The following GFOD1 variants were observed in gnomAD, a reference collection of about 807,000 sequenced individuals.
GFOD1 encodes glucose-fructose oxidoreductase domain-containing protein 1.
GFOD1 carries 9 observed loss-of-function variants against 25.4 expected under a neutral mutation model. The observed-to-expected ratio is 0.35, with a 90% CI of 0.21 to 0.62. GFOD1 has a LOEUF of 0.62. Among genes scored for constraint, GFOD1 ranks in the 20% least tolerant of loss-of-function variants. The pLI, the probability that GFOD1 is intolerant of heterozygous loss-of-function variation, is 0.72. For synonymous variants in GFOD1, 253 were observed against 245.6 expected, an observed-to-expected ratio of 1.03 and a Z score of -0.28; for missense variants, 403 against 556.9, an observed-to-expected ratio of 0.72 and a Z score of 2.78.
chr6:13,358,809 C>T lies in GFOD1; in HGVS notation c.*5934G>A, dbSNP rs886064771. 1 of 152,296 alleles carries T rather than the reference C, an allele frequency of 6.6e-6. No homozygotes were observed. The highest frequency in any genetic ancestry group is 1.5e-5 in the Non-Finnish European group (1 of 68,120). 9.4% of individuals were successfully genotyped at this position (152,296 alleles called of 1,614,324 possible). On this transcript the variant is annotated 3_prime_UTR_variant, in exon 2 of 2. Transcript: ENST00000379287. ...TCTGCCCAGGCAAGCTTTTGATTGC[C>T]ACACTAAGCATCAAGCCATTGCATA...
At chr6:13,426,901 G>A (rs1786362544) in intron 1 of GFOD1, among the ~76,000 whole-genome samples, 1 of 152,188 alleles carries the variant, frequency 6.6e-6, no homozygotes, top group Non-Finnish European at 1.5e-5. Context: ...TGGGGTTTGA[G>A]TCTCATCTCT....
chr6:13,446,356 T>C (rs1758002297), intron 1 of GFOD1, among the ~76,000 whole-genome samples: 1 of 152,120 alleles, frequency 6.6e-6, no homozygotes, highest in African/African-American at 2.4e-5. Context: ...GGGGAAAGCA[T>C]CAAGACAGAG....
At chr6:13,399,880 T>C (rs1785808883) in intron 1 of GFOD1, among the ~76,000 whole-genome samples, 1 of 152,244 alleles carries the variant, frequency 6.6e-6, no homozygotes, top group Non-Finnish European at 1.5e-5. Context: ...AATAGGTACA[T>C]TTTATTGCAT....
Position 13,401,322 on chromosome 6 carries a change from T to G in GFOD1, c.254-35660A>C, listed in dbSNP as rs188989292. Among the ~76,000 whole-genome samples the G allele has an allele frequency of 1.7e-3, 256 of 152,010 alleles. 1 individual carries two copies. The highest frequency in any genetic ancestry group is 5.2e-3 in the Admixed American group (80 of 15,276). On this transcript the variant is annotated intron_variant, in intron 1 of 1. Coordinates refer to ENST00000379287, the MANE Select transcript of GFOD1 (RefSeq NM_018988.4). ...CCATGAGACGACATTTTATAGATAA[T>G]CCAGGATATCTGAATCTGAGCCGTG...
At chr6:13,408,811 G>A (rs503117) in intron 1 of GFOD1, among the ~76,000 whole-genome samples, 87,093 of 151,922 alleles carry the variant, frequency 0.57, 28,794 homozygotes, top group Non-Finnish European at 0.73. Flanking sequence ...ACAGGCCAGT[G>A]TGGTGGCTCA....
rs191934902 is a variant in GFOD1 at position 13,361,186 on chromosome 6, G to A, written c.*3557C>T. Reference sequence around the variant, plus strand: ...ATTTGCTGCCATGTAGGCTAAGGGGGGTCTGGGGTGCCCTACAATGCAATT... The same window carrying A: ...ATTTGCTGCCATGTAGGCTAAGGGGAGTCTGGGGTGCCCTACAATGCAATT... On this transcript the variant is annotated 3_prime_UTR_variant, in exon 2 of 2. Coordinates refer to ENST00000379287, the MANE Select transcript of GFOD1 (RefSeq NM_018988.4). 479 of 277,542 alleles carry A rather than the reference G, an allele frequency of 1.7e-3. 3 individuals are homozygous for A. Among genetic ancestry groups the A allele is most frequent in the African/African-American group, 9.4e-3 (423 of 44,774 alleles). The allele number at this position is 277,542 out of a possible 1,614,324, so 17.2% of individuals were successfully genotyped here.
At chr6:13,366,302 TC>T (rs1785046658) in intron 1 of GFOD1, among the ~76,000 whole-genome samples, 2 of 152,156 alleles carry the variant, frequency 1.3e-5, no homozygotes, top group African/African-American at 4.8e-5. Flanking sequence ...TGCCTCAGCC[TC>T]CTGAGTAGCT....
At chr6:13,478,277 T>C (rs1020402367) in intron 1 of GFOD1, among the ~76,000 whole-genome samples, 2 of 151,954 alleles carry the variant, frequency 1.3e-5, no homozygotes, top group African/African-American at 2.4e-5. Context: ...GTAGCTGGGA[T>C]TACAGGTGCA....
intron 1 of GFOD1, among the ~76,000 whole-genome samples, chr6:13,396,115 GCT>G (rs1468945085): frequency 6.6e-6 from 1 of 152,194 alleles, no homozygotes; most frequent in African/African-American, 2.4e-5. Flanking sequence ...TGTGAACTAA[GCT>G]GAGGAACAGT....
chr6:13,370,638 G>A (rs147354697), intron 1 of GFOD1, among the ~76,000 whole-genome samples: 3 of 152,000 alleles, frequency 2.0e-5, no homozygotes, highest in Admixed American at 1.3e-4. Flanking sequence ...GCTATCAAAA[G>A]GTTCTTGCTA....
At chr6:13,452,561 G>A (rs894058296) in intron 1 of GFOD1, among the ~76,000 whole-genome samples, 1 of 152,142 alleles carries the variant, frequency 6.6e-6, no homozygotes, top group Admixed American at 6.5e-5. Flanking sequence ...GCGCCTTCTC[G>A]CTGTGTCCTC....
At chr6:13,380,754 T>C (rs1233998015) in intron 1 of GFOD1, among the ~76,000 whole-genome samples, 1 of 152,240 alleles carries the variant, frequency 6.6e-6, no homozygotes, top group Non-Finnish European at 1.5e-5. Context: ...ACCTCACTTT[T>C]GGTTGCAAGC....
rs60649261 is a variant in GFOD1 at position 13,477,216 on chromosome 6, GGT to G, written c.253+9420_253+9421del. Among the ~76,000 whole-genome samples, 155 of 140,882 alleles carry G rather than the reference GGT, an allele frequency of 1.1e-3. 2 individuals carry two copies. Among genetic ancestry groups the G allele is most frequent in the African/African-American group, 3.6e-3 (136 of 37,798 alleles). 92.4% of individuals were successfully genotyped at this position (140,882 alleles called of 152,430 possible). ...CACCAGAGAAACAGAACCAATAGGG[GGT>G]GTGTGTGTGTGTGTGTGTGTGTGTG... On this transcript the variant is annotated intron_variant, in intron 1 of 1. Transcript: ENST00000379287.
intron 1 of GFOD1, chr6:13,470,526 G>T (rs530128402): frequency 3.9e-6 from 6 of 1,549,780 alleles, no homozygotes; most frequent in Admixed American, 3.9e-5. Flanking sequence ...TGTCCCATGT[G>T]GGGGTGCTGG....
In GFOD1 at chr6:13,457,169, A is replaced by T. The variant is rs115504002; in HGVS notation, c.253+29469T>A. ...CTTAACCTTCCCAGAAAACAATCCC[A>T]CCTGTGGATCCTGAGTCAGACCTTG... On this transcript the variant is annotated intron_variant, in intron 1 of 1. Transcript: ENST00000379287. Among the ~76,000 whole-genome samples, 648 of 152,220 alleles carry T rather than the reference A, an allele frequency of 4.3e-3. 4 individuals carry two copies. The highest frequency in any genetic ancestry group is 0.015 in the African/African-American group (629 of 41,548).
intron 1 of GFOD1, among the ~76,000 whole-genome samples, chr6:13,418,284 G>T (rs1218061676): frequency 6.6e-6 from 1 of 152,158 alleles, no homozygotes; most frequent in South Asian, 2.1e-4. Context: ...GCTGGAACTG[G>T]AAGAAACAGC....
chr6:13,466,967 C>G (rs1275099074), intron 1 of GFOD1, among the ~76,000 whole-genome samples: 2 of 152,116 alleles, frequency 1.3e-5, no homozygotes, highest in Non-Finnish European at 2.9e-5. Flanking sequence ...TATACATACA[C>G]ACACACTACT....
At chr6:13,402,703 A>AT (rs1170520435) in intron 1 of GFOD1, among the ~76,000 whole-genome samples, 1 of 152,240 alleles carries the variant, frequency 6.6e-6, no homozygotes, top group African/African-American at 2.4e-5. Flanking sequence ...TTGTAGAATA[A>AT]TTGGAACCCT....
chr6:13,376,464 CCCTGGATCCAAGGG>C (rs1785259370), intron 1 of GFOD1, among the ~76,000 whole-genome samples: 1 of 152,096 alleles, frequency 6.6e-6, no homozygotes, highest in Admixed American at 6.5e-5. Context: ...ACAGTGCACC[CCCTGGATCCAAGGG>C]ACAGAGCCAG....
Sources: allele counts gnomAD v4.1 joint callset (sites outside exome capture counted in the v4.1 genomes callset), GRCh38; gene constraint gnomAD v4.1.1; transcripts MANE v1.5; gene names NCBI Gene and HGNC (gene_info 2026-07-23, HGNC 2026-07-21).